Variants in ALK observed in about 807,000 individuals in gnomAD.
ALK encodes the protein ALK receptor tyrosine kinase.
ALK carries 74 observed loss-of-function variants against 163.1 expected under a neutral mutation model. The ratio of observed to expected loss-of-function variants is 0.45; its 90% CI spans 0.38 to 0.55. The LOEUF (loss-of-function observed/expected upper bound fraction) is 0.55, where lower values mean the gene tolerates loss of function less well. ALK is among the 20% of genes least tolerant of loss of function. The probability of loss-of-function intolerance (pLI) is 0.00; values close to 1 mark genes in which losing one functional copy is unlikely to be tolerated. For synonymous variants in ALK, 960 were observed against 843.2 expected (o/e 1.14, Z -2.40); for missense variants, 2,063 against 2,105.3 (o/e 0.98, Z 0.39).
chr2:29,201,107 T>C lies in ALK; in HGVS notation c.3939-3431A>G, dbSNP rs183443014. Among the ~76,000 whole-genome samples, 92 of 151,780 alleles carry C rather than the reference T, an allele frequency of 6.1e-4. No individual in the cohort carries two copies. In the East Asian group the frequency reaches 0.016, roughly 26 times the overall value. Reference sequence around the variant, plus strand: ...TATGATTAAAGAAAAAAAAAAACATTGTGGAAGATGGTCTCCAGGTGTGAT... The same window carrying C: ...TATGATTAAAGAAAAAAAAAAACATCGTGGAAGATGGTCTCCAGGTGTGAT... On this transcript the variant is annotated intron_variant, in intron 26 of 28. Transcript: ENST00000389048.
intron 4 of ALK, among the ~76,000 whole-genome samples, chr2:29,461,893 A>G (rs1421280029): frequency 1.3e-5 from 2 of 152,160 alleles, no homozygotes; most frequent in Non-Finnish European, 2.9e-5. Flanking sequence ...CTGGAAAAAA[A>G]AAAGGACCAT....
chr2:29,426,031 G>A (rs979784531), intron 4 of ALK, among the ~76,000 whole-genome samples: 9 of 152,106 alleles, frequency 5.9e-5, no homozygotes, highest in African/African-American at 1.7e-4. Context: ...AGACTGTGGC[G>A]CAACATTTAC....
chr2:29,242,151 T>C (rs189184013), intron 12 of ALK, among the ~76,000 whole-genome samples: 1 of 152,330 alleles, frequency 6.6e-6, no homozygotes, highest in East Asian at 1.9e-4. Context: ...GGGGACGATG[T>C]GGCGGCTTCC....
intron 9 of ALK, 130 bp downstream of exon 9, chr2:29,296,758 C>G: frequency 9.2e-7 from 1 of 1,084,662 alleles, no homozygotes; most frequent in East Asian, 2.5e-5. Context: ...CGTGCACGCG[C>G]ACATATCGGT....
intron 8 of ALK, among the ~76,000 whole-genome samples, chr2:29,304,895 A>C (rs1160148217): frequency 6.6e-6 from 1 of 152,248 alleles, no homozygotes; most frequent in Non-Finnish European, 1.5e-5. Context: ...TGACATGGTG[A>C]AACCAGTGGT....
chr2:29,352,343 C>A (rs77413456), intron 5 of ALK, among the ~76,000 whole-genome samples: 1 of 152,182 alleles, frequency 6.6e-6, no homozygotes, highest in African/African-American at 2.4e-5. Context: ...TGTGTGGGGC[C>A]TGTAATACTT....
intron 1 of ALK, among the ~76,000 whole-genome samples, chr2:29,737,018 G>A (rs967649095): frequency 1.3e-5 from 2 of 152,034 alleles, no homozygotes; most frequent in Non-Finnish European, 1.5e-5. Flanking sequence ...GATGTTTAAC[G>A]GTATGTGATA....
At chr2:29,813,689 C>A (rs150099689) in intron 1 of ALK, among the ~76,000 whole-genome samples, 1 of 152,140 alleles carries the variant, frequency 6.6e-6, no homozygotes, top group Non-Finnish European at 1.5e-5. Flanking sequence ...GCTTGTAACC[C>A]GGACCCGATG....
chr2:29,253,712 G>C (rs747652781), intron 11 of ALK, among the ~76,000 whole-genome samples: 8 of 152,196 alleles, frequency 5.3e-5, no homozygotes, highest in Non-Finnish European at 1.0e-4. Context: ...CTTGAAACCT[G>C]TTCTGCAGAC....
At chr2:29,837,983 C>A (rs1665604329) in intron 1 of ALK, among the ~76,000 whole-genome samples, 1 of 151,718 alleles carries the variant, frequency 6.6e-6, no homozygotes, top group African/African-American at 2.4e-5. Flanking sequence ...AATAAAGAAA[C>A]AAAGAAACAA....
At chr2:29,881,510 G>C (rs532996304) in intron 1 of ALK, among the ~76,000 whole-genome samples, 1 of 152,166 alleles carries the variant, frequency 6.6e-6, no homozygotes. Context: ...GCATTGTCAG[G>C]CATGGCAAAC....
At chr2:29,791,205 C>A (rs1340281677) in intron 1 of ALK, among the ~76,000 whole-genome samples, 2 of 152,092 alleles carry the variant, frequency 1.3e-5, no homozygotes, top group Non-Finnish European at 2.9e-5. Flanking sequence ...GCACTTTTCA[C>A]AATAGCAAAG....
chr2:29,900,995 G>GAGAGCAAGCAAGCA lies in ALK; in HGVS notation c.667+18997_667+18998insTGCTTGCTTGCTCT, dbSNP rs143158227. Among the ~76,000 whole-genome samples, 64 of 148,714 alleles carry GAGAGCAAGCAAGCA rather than the reference G, an allele frequency of 4.3e-4. 1 individual carries two copies. Among genetic ancestry groups the GAGAGCAAGCAAGCA allele is most frequent in the Middle Eastern group, 3.4e-3 (1 of 290 alleles). On this transcript the variant is annotated intron_variant, in intron 1 of 28. Transcript: ENST00000389048. Reference sequence around the variant, plus strand: ...AAAGAAAGAAAGAGAGAGAGAGAGAGAGCAAGCAAGCAAGCAAGCAAGCAA... The same window carrying GAGAGCAAGCAAGCA: ...AAAGAAAGAAAGAGAGAGAGAGAGAGAGAGCAAGCAAGCAAGCAAGCAAGCAAGCAAGCAAGCAA...
At chr2:29,881,287 C>T (rs1290926350) in intron 1 of ALK, among the ~76,000 whole-genome samples, 1 of 152,188 alleles carries the variant, frequency 6.6e-6, no homozygotes, top group East Asian at 1.9e-4. Flanking sequence ...CCGACCCACT[C>T]AGTGTAGAGC....
At chr2:29,213,676 T>G (rs979091177) in intron 24 of ALK, among the ~76,000 whole-genome samples, 11 of 152,144 alleles carry the variant, frequency 7.2e-5, no homozygotes, top group Non-Finnish European at 4.4e-5. Flanking sequence ...TAGAATAAGT[T>G]ACCATCTCAA....
intron 3 of ALK, among the ~76,000 whole-genome samples, chr2:29,560,287 T>C (rs575112842): frequency 3.9e-5 from 6 of 152,326 alleles, no homozygotes. Context: ...AACCAAGGAC[T>C]GATACATGAT....
intron 1 of ALK, among the ~76,000 whole-genome samples, chr2:29,843,399 G>A (rs539183426): frequency 2.6e-5 from 4 of 152,198 alleles, no homozygotes; most frequent in South Asian, 2.1e-4. Flanking sequence ...CTTAGGTTGC[G>A]AGGGTACCTG....
intron 4 of ALK, among the ~76,000 whole-genome samples, chr2:29,525,370 C>T (rs1256899052): frequency 1.3e-5 from 2 of 152,192 alleles, no homozygotes; most frequent in Non-Finnish European, 2.9e-5. Flanking sequence ...ATGTGATCAA[C>T]CAATTCAAGC....
intron 3 of ALK, among the ~76,000 whole-genome samples, chr2:29,647,083 T>C (rs1038024796): frequency 1.3e-5 from 2 of 152,158 alleles, no homozygotes; most frequent in Admixed American, 1.3e-4. Context: ...TGTAATATAA[T>C]ATATGGCTCT....
Sources: allele counts gnomAD v4.1 joint callset (sites outside exome capture counted in the v4.1 genomes callset), GRCh38; gene constraint gnomAD v4.1.1; transcripts MANE v1.5; gene names NCBI Gene and HGNC (gene_info 2026-07-23, HGNC 2026-07-21).